ZDHHC8: variants seen among roughly 807,000 people sequenced by gnomAD.
ZDHHC8 encodes palmitoyltransferase ZDHHC8.
A neutral mutation model predicts 61.2 loss-of-function variants in ZDHHC8; 24 were observed. That is an observed-to-expected ratio of 0.39 (90% CI 0.28 to 0.55). The LOEUF (loss-of-function observed/expected upper bound fraction) is 0.55. Among genes scored for constraint, ZDHHC8 ranks in the 20% least tolerant of loss-of-function variants. The pLI is 0.60. For missense variants in ZDHHC8, 935 were observed against 1,102.1 expected, an observed-to-expected ratio of 0.85 and a Z score of 2.15; for synonymous variants, 523 against 492.5, an observed-to-expected ratio of 1.06 and a Z score of -0.82.
Position 20,143,690 on chromosome 22 carries a change from G to A in ZDHHC8, c.2060G>A (p.Gly687Asp), listed in dbSNP as rs148701201. 1,793 of 1,610,238 alleles carry A rather than the reference G, an allele frequency of 1.1e-3. 2 individuals carry two copies. The highest frequency in any genetic ancestry group is 1.3e-3 in the Non-Finnish European group (1,591 of 1,179,550). Reference sequence around the variant, plus strand: ...ACTCCCCACTCACCATCCTACGCGGGCCCCAAAGCTGTCGCCTTCATCCAC... The same window carrying A: ...ACTCCCCACTCACCATCCTACGCGGACCCCAAAGCTGTCGCCTTCATCCAC... Reference protein sequence around the residue: ...PGTPHSPSYAGPKAVAFIHTD... With the variant: ...PGTPHSPSYADPKAVAFIHTD... Residue 687 changes from glycine to aspartate, a missense_variant, in exon 10 of 11, where the codon GGC becomes GAC. This residue lies in a region of ZDHHC8 where 692 missense variants were observed against 731.4 expected (regional missense o/e 0.95). Coordinates refer to ENST00000334554, the MANE Select transcript of ZDHHC8 (RefSeq NM_013373.4).
chr22:20,140,466 C>T (rs544831044), intron 5 of ZDHHC8, 151 bp from the exon 6 acceptor site: 2 of 894,966 alleles, frequency 2.2e-6, no homozygotes, highest in South Asian at 1.8e-5. Flanking sequence ...GGCTGGGTAA[C>T]CTATGTGAGG....
At chr22:20,132,468 C>T (rs1457651419) in intron 1 of ZDHHC8, among the ~76,000 whole-genome samples, 5 of 152,230 alleles carry the variant, frequency 3.3e-5, no homozygotes, top group Non-Finnish European at 7.3e-5. Flanking sequence ...TCTCGGGTCT[C>T]CTCCTGGCTG....
In ZDHHC8 at chr22:20,147,575, G is replaced by A. The variant is rs1037733779; in HGVS notation, c.*2175G>A. On this transcript the variant is annotated 3_prime_UTR_variant, in exon 11 of 11. Transcript: ENST00000334554. ...AGGCCTCCGTGGGTTGGGCTGGGTG[G>A]GGGGGGGGTCTCAGGTTGCCCCTGA... 9.3e-6 allele frequency: 2 copies of A among 215,020 alleles called. No homozygotes were observed. Among genetic ancestry groups the A allele is most frequent in the South Asian group, 1.5e-4 (1 of 6,584 alleles). 13.3% of individuals were successfully genotyped at this position (215,020 alleles called of 1,614,324 possible).
intron 3 of ZDHHC8, 41 bp from the exon 4 acceptor site, chr22:20,139,679 T>G: frequency 1.2e-6 from 2 of 1,611,088 alleles, no homozygotes; most frequent in Non-Finnish European, 1.7e-6. Context: ...CTGTGCCACA[T>G]CCCTGCCTGC....
rs2050462069 is a variant in ZDHHC8 at position 20,140,861 on chromosome 22, C to T, written c.753-10C>T. 6.2e-7 allele frequency: 1 copy of T among 1,600,888 alleles called. No individual in the cohort carries two copies. The highest frequency in any genetic ancestry group is 2.2e-5 in the East Asian group (1 of 44,878). ...GTGGGCTGGCTACTGACCCCTGTGC[C>T]CTGGTGCAGGTACGTGGTGGAGCCA... On this transcript the variant is annotated splice_polypyrimidine_tract_variant and intron_variant, in intron 6 of 10. Coordinates refer to ENST00000334554, the MANE Select transcript of ZDHHC8 (RefSeq NM_013373.4).
chr22:20,132,652 G>A (rs1012914437), intron 1 of ZDHHC8, among the ~76,000 whole-genome samples: 12 of 152,240 alleles, frequency 7.9e-5, no homozygotes, highest in African/African-American at 2.9e-4. Flanking sequence ...AGGGCCCGAT[G>A]TTAGCACATC....
chr22:20,139,680 C>T, intron 3 of ZDHHC8, 40 bp from the exon 4 acceptor site: 5 of 1,611,152 alleles, frequency 3.1e-6, no homozygotes, highest in Non-Finnish European at 4.2e-6. Context: ...TGTGCCACAT[C>T]CCTGCCTGCC....
At chr22:20,136,063 TCCCTGCCTGTGG>T (rs921685943) in intron 1 of ZDHHC8, among the ~76,000 whole-genome samples, 1 of 152,254 alleles carries the variant, frequency 6.6e-6, no homozygotes, top group Non-Finnish European at 1.5e-5. Context: ...GTGGTGCATG[TCCCTGCCTGTGG>T]CCCTGGAGGA....
intron 10 of ZDHHC8, 135 bp from the exon 11 acceptor site, chr22:20,145,094 G>A: frequency 3.0e-6 from 2 of 672,944 alleles, no homozygotes; most frequent in Non-Finnish European, 4.7e-6. Context: ...AGAGGGCAGG[G>A]ACTGCACGGG....
intron 1 of ZDHHC8, among the ~76,000 whole-genome samples, chr22:20,135,794 G>A (rs978395417): frequency 6.6e-6 from 1 of 152,240 alleles, no homozygotes; most frequent in African/African-American, 2.4e-5. Context: ...CAGGTACTTC[G>A]AGGCCCAAAG....
intron 9 of ZDHHC8, 113 bp from the exon 10 acceptor site, chr22:20,142,643 C>T: frequency 2.8e-6 from 4 of 1,418,374 alleles, no homozygotes; most frequent in Non-Finnish European, 3.9e-6. Flanking sequence ...CTTATGGCTC[C>T]TTGAGGCCCA....
Position 20,140,701 on chromosome 22 carries a change from G to A in ZDHHC8, c.745G>A (p.Ala249Thr). 2.5e-6 allele frequency: 4 copies of A among 1,610,840 alleles called. No homozygotes were observed. Among genetic ancestry groups the A allele is most frequent in the Middle Eastern group, 1.7e-4 (1 of 5,872 alleles). ...GGAGCACGTGCTGTGTAGCCCCCTG[G>A]CGCCCCGGTGAGGCCCGGCCTGGGC... ...NVEHVLCSPL[A>T]PRYVVEPPRL... The change falls in exon 6 of 11, where the codon GCG becomes ACG. Residue 249 changes from alanine (A) to threonine (T), a missense_variant. By Grantham distance (58) the Ala-to-Thr change is moderately conservative. Transcript: ENST00000334554.
chr22:20,134,038 G>A (rs1052002789), intron 1 of ZDHHC8, among the ~76,000 whole-genome samples: 21 of 152,204 alleles, frequency 1.4e-4, no homozygotes, highest in Admixed American at 1.3e-4. Flanking sequence ...TTCTGGTTTC[G>A]GCGACACCAG....
Position 20,132,069 on chromosome 22 carries a change from C to G in ZDHHC8, c.104+18C>G. 9 of 1,269,266 alleles carry G rather than the reference C, an allele frequency of 7.1e-6. No individual in the cohort carries two copies. Among genetic ancestry groups the G allele is most frequent in the Non-Finnish European group, 9.1e-6 (9 of 988,560 alleles). 78.6% of individuals were successfully genotyped at this position (1,269,266 alleles called of 1,614,324 possible). On this transcript the variant is annotated intron_variant, in intron 1 of 10. Transcript: ENST00000334554. The stretch of plus-strand genomic sequence containing the variant: ...GTGTTCACGTGAGTCGGCGCCGCGT[C>G]TGGGGGCACGCGGGCAGCGATGGGC...
At chr22:20,141,361 A>G (rs369021904) in intron 8 of ZDHHC8, 24 bp downstream of exon 8, 25 of 1,611,366 alleles carry the variant, frequency 1.6e-5, no homozygotes, top group Non-Finnish European at 1.9e-5. Flanking sequence ...AGCCACGACT[A>G]GGGAGGGATA....
chr22:20,132,851 G>A (rs958086829), intron 1 of ZDHHC8, among the ~76,000 whole-genome samples: 3 of 152,242 alleles, frequency 2.0e-5, no homozygotes, highest in African/African-American at 2.4e-5. Flanking sequence ...TCACCCCAGG[G>A]CTCCTTCAGG....
At position 20,147,162 on chromosome 22, in the gene ZDHHC8, C is replaced by A; in HGVS notation, c.*1762C>A. On this transcript the variant is annotated 3_prime_UTR_variant, in exon 11 of 11. Coordinates refer to ENST00000334554, the MANE Select transcript of ZDHHC8 (RefSeq NM_013373.4). Reference sequence around the variant, plus strand: ...CCTGGAGCCAGGCCGCCGGGGCACCCCCACGCGGGGCCATGTGCCGCCTGC... The same window carrying A: ...CCTGGAGCCAGGCCGCCGGGGCACCACCACGCGGGGCCATGTGCCGCCTGC... 6.5e-7 allele frequency: 1 copy of A among 1,532,010 alleles called. No homozygotes were observed. 94.9% of individuals were successfully genotyped at this position (1,532,010 alleles called of 1,614,324 possible).
Position 20,143,418 on chromosome 22 carries a change from C to T in ZDHHC8, c.1788C>T (p.Gly596=), listed in dbSNP as rs1398156363. ...SLQQASVLSE[G]PRGPALRYGS... ...AGCAGGCCAGTGTGCTGTCCGAGGG[C>T]CCCCGAGGTCCCGCGCTGCGCTATG... The change falls in exon 10 of 11, where the codon GGC becomes GGT. Residue 596 remains glycine (G), a synonymous_variant. Coordinates refer to ENST00000334554, the MANE Select transcript of ZDHHC8 (RefSeq NM_013373.4). 5.0e-6 allele frequency: 8 copies of T among 1,593,942 alleles called. No individual in the cohort carries two copies. The highest frequency in any genetic ancestry group is 1.7e-4 in the Middle Eastern group (1 of 6,036).
intron 1 of ZDHHC8, among the ~76,000 whole-genome samples, chr22:20,138,433 A>G (rs1301764632): frequency 6.6e-6 from 1 of 152,226 alleles, no homozygotes; most frequent in African/African-American, 2.4e-5. Context: ...GACTCGGGCC[A>G]GGCCCGTTAA....
Sources: gnomAD v4.1 joint callset for allele counts (sites outside exome capture counted in the v4.1 genomes callset) on GRCh38, gnomAD v4.1.1 for gene constraint, gnomAD v4.1.1 regional missense constraint, MANE v1.5 for transcripts, NCBI Gene and HGNC (gene_info 2026-07-23, HGNC 2026-07-21) for gene names.